SMARCD3: variants seen among roughly 807,000 people sequenced by gnomAD.
SMARCD3 encodes the protein SWI/SNF related BAF chromatin remodeling complex subunit D3.
A neutral mutation model predicts 58.0 loss-of-function variants in SMARCD3; 14 were observed. The observed-to-expected ratio is 0.24, with a 90% CI of 0.16 to 0.38. The LOEUF (loss-of-function observed/expected upper bound fraction) is 0.38, where lower values mean the gene tolerates loss of function less well. Among genes scored for constraint, SMARCD3 ranks in the 10% least tolerant of loss-of-function variants. SMARCD3 has a pLI of 1.00. For missense variants in SMARCD3, 408 were observed against 636.9 expected (o/e 0.64, Z 3.87); for synonymous variants, 253 against 253.8 (o/e 1.00, Z 0.03).
At chr7:151,244,639 C>A (rs559112992) in intron 2 of SMARCD3, among the ~76,000 whole-genome samples, 1 of 152,294 alleles carries the variant, frequency 6.6e-6, no homozygotes, top group African/African-American at 2.4e-5. Context: ...ATTTGCTGTA[C>A]AAAATGACGA....
At chr7:151,264,989 G>T (rs1160877250) in intron 2 of SMARCD3, among the ~76,000 whole-genome samples, 1 of 152,160 alleles carries the variant, frequency 6.6e-6, no homozygotes, top group African/African-American at 2.4e-5. Context: ...CCTGTGATGG[G>T]GATAGCCCAG....
At chr7:151,272,722 C>T (rs75368642) in intron 2 of SMARCD3, among the ~76,000 whole-genome samples, 14,653 of 152,166 alleles carry the variant, frequency 0.096, 783 homozygotes, top group Middle Eastern at 0.17. Flanking sequence ...CCCTCCTCTA[C>T]GGTCCTTTAT....
rs1563663983 is a variant in SMARCD3, at chr7:151,248,120, TCCCCCA to T, written c.78+359_78+364del. Among the ~76,000 whole-genome samples, 1 of 150,558 alleles carries T rather than the reference TCCCCCA, an allele frequency of 6.6e-6. No individual in the cohort carries two copies. The highest frequency in any genetic ancestry group is 2.4e-5 in the African/African-American group (1 of 40,824). On this transcript the variant is annotated intron_variant, in intron 1 of 12. Transcript: ENST00000262188. The surrounding 1 kb of genome is among the most constrained non-coding windows in gnomAD (Gnocchi z 6.1). ...CAGCCCAGCCTCTGCCATGTCCCCA[TCCCCCA>T]CCCCCACCCCCAGGGCAGGGGCAAC...
chr7:151,257,207 C>T (rs1412301036), intron 2 of SMARCD3, among the ~76,000 whole-genome samples: 2 of 151,676 alleles, frequency 1.3e-5, no homozygotes, highest in East Asian at 3.9e-4. Context: ...AACAATCTCT[C>T]TTAACCCTAC....
rs1276274300 is a variant in SMARCD3, at chr7:151,240,208, G to A, written c.1077C>T (p.Asp359=). The A allele has an allele frequency of 3.7e-6, 6 of 1,614,136 alleles. No homozygotes were observed. Among genetic ancestry groups the A allele is most frequent in the Non-Finnish European group, 4.2e-6 (5 of 1,180,014 alleles). The change falls in exon 10 of 13, where the codon GAC becomes GAT. Residue 359 remains aspartate (D), a synonymous_variant. Transcript: ENST00000262188. ...ATGGCTCCTCCACCTCCACGTCAAT[G>A]TCATAGCACGCCGTCTTCTTCTGGT... The part of the protein sequence containing the change: ...PSDQKKTACY[D]IDVEVEEPLK...
chr7:151,268,795 G>C (rs1795071591), intron 2 of SMARCD3, among the ~76,000 whole-genome samples: 1 of 151,974 alleles, frequency 6.6e-6, no homozygotes, highest in African/African-American at 2.4e-5. Flanking sequence ...GTAGAGATGA[G>C]GTCTCGCTTT....
chr7:151,258,087 C>T (rs1356217643), intron 2 of SMARCD3, among the ~76,000 whole-genome samples: 1 of 152,088 alleles, frequency 6.6e-6, no homozygotes, highest in African/African-American at 2.4e-5. Flanking sequence ...CACCCTGGAC[C>T]CCTGCCTTTC....
intron 2 of SMARCD3, among the ~76,000 whole-genome samples, chr7:151,255,081 G>C (rs138258974): frequency 6.6e-6 from 1 of 152,130 alleles, no homozygotes; most frequent in South Asian, 2.1e-4. Flanking sequence ...GGGAGCCCTC[G>C]ACCTGCCCTC....
At position 151,245,708 on chromosome 7, in the gene SMARCD3, C is replaced by A; in HGVS notation, c.79-37G>T. The stretch of plus-strand genomic sequence containing the variant: ...CGGGGGTGAAGCAGAAACGGGCGCC[C>A]GTGGGTCAGACCAGGGCCCCCCGCT... On this transcript the variant is annotated intron_variant, in intron 1 of 12. Coordinates refer to ENST00000262188, the MANE Select transcript of SMARCD3 (RefSeq NM_001003801.2). The surrounding 1 kb of genome is among the most constrained non-coding windows in gnomAD (Gnocchi z 6.2). 1.9e-6 allele frequency: 1 copy of A among 534,920 alleles called. No homozygotes were observed. The highest frequency in any genetic ancestry group is 2.8e-6 in the Non-Finnish European group (1 of 352,158). The allele number at this position is 534,920 out of a possible 1,614,324, so 33.1% of individuals were successfully genotyped here.
chr7:151,241,738 T>A lies in SMARCD3; in HGVS notation c.778-85A>T. The A allele has an allele frequency of 7.0e-7, 1 of 1,426,084 alleles. No homozygotes were observed. Among genetic ancestry groups the A allele is most frequent in the South Asian group, 1.2e-5 (1 of 83,170 alleles). 88.3% of individuals were successfully genotyped at this position (1,426,084 alleles called of 1,614,324 possible). The stretch of plus-strand genomic sequence containing the variant: ...CAGGCCATTCAGGACTAGGGGGATG[T>A]GTTGATTGAGGAAACATGCCCCTGG... On this transcript the variant is annotated intron_variant, in intron 7 of 12. Coordinates refer to ENST00000262188, the MANE Select transcript of SMARCD3 (RefSeq NM_001003801.2). This position sits in a 1 kb window ranked among gnomAD's most constrained non-coding sequence, Gnocchi z 5.3.
chr7:151,239,522 C>T lies in SMARCD3; in HGVS notation c.1297-25G>A. The T allele has an allele frequency of 1.9e-6, 3 of 1,610,406 alleles. No homozygotes were observed. Among genetic ancestry groups the T allele is most frequent in the Non-Finnish European group, 2.5e-6 (3 of 1,177,024 alleles). On this transcript the variant is annotated intron_variant, in intron 11 of 12. Transcript: ENST00000262188. This position sits in a 1 kb window ranked among gnomAD's most constrained non-coding sequence, Gnocchi z 7.0. ...CCTGGGAGGGAGCGTGGGGTGAGCCCTGAGCCCTGAATCCCCTCACCTGCC... is the reference window on the plus strand; with the variant it reads ...CCTGGGAGGGAGCGTGGGGTGAGCCTTGAGCCCTGAATCCCCTCACCTGCC...
In SMARCD3 at chr7:151,240,513, A is replaced by G. The variant is rs752398124; in HGVS notation, c.949T>C (p.Cys317Arg). The change falls in exon 9 of 13, where the codon TGT becomes CGT. Residue 317 changes from cysteine to arginine, a missense_variant. This residue lies in a region of SMARCD3 where 115 missense variants were observed against 257.2 expected (regional missense o/e 0.45). Transcript: ENST00000262188. The part of the protein sequence containing the change: ...GDKYFQQIFD[C>R]PRLKFSEIPQ... ...ATCTCAGAAAACTTCAGCCGGGGAC[A>G]ATCAAAAATCTGAAGCAGGACAATT... is the stretch of plus-strand genomic sequence containing the variant. 1 of 1,612,720 alleles carries G rather than the reference A, an allele frequency of 6.2e-7. No individual in the cohort carries two copies. The highest frequency in any genetic ancestry group is 8.5e-7 in the Non-Finnish European group (1 of 1,179,346).
At chr7:151,254,189 TC>T (rs1391692518) in intron 2 of SMARCD3, 2 of 152,036 alleles carry the variant, frequency 1.3e-5, no homozygotes, top group African/African-American at 4.8e-5. Context: ...CCCCATAATA[TC>T]CCCTGGCTCT....
At chr7:151,263,350 G>A (rs1459628270) in intron 2 of SMARCD3, among the ~76,000 whole-genome samples, 4 of 152,212 alleles carry the variant, frequency 2.6e-5, no homozygotes, top group East Asian at 1.9e-4. Context: ...GGCAGCTGGG[G>A]AGGTTGGGGA....
chr7:151,272,149 C>T (rs1266544721), intron 2 of SMARCD3, among the ~76,000 whole-genome samples: 1 of 151,946 alleles, frequency 6.6e-6, no homozygotes, highest in Non-Finnish European at 1.5e-5. Context: ...CACATGGTAT[C>T]CCCTTCATTT....
chr7:151,250,961 C>T (rs576762285), upstream of SMARCD3, among the ~76,000 whole-genome samples: 12 of 152,354 alleles, frequency 7.9e-5, no homozygotes, highest in South Asian at 2.5e-3. Context: ...GCATGGGAAA[C>T]CACAGGCCTT....
At chr7:151,269,738 G>A (rs1412599764) in intron 2 of SMARCD3, among the ~76,000 whole-genome samples, 1 of 152,200 alleles carries the variant, frequency 6.6e-6, no homozygotes, top group Admixed American at 6.5e-5. Flanking sequence ...CAGGGACAGC[G>A]CTCAGCATCC....
At chr7:151,261,465 G>A (rs1258239079) in intron 2 of SMARCD3, among the ~76,000 whole-genome samples, 1 of 152,190 alleles carries the variant, frequency 6.6e-6, no homozygotes, top group Non-Finnish European at 1.5e-5. Context: ...TACCTGACCT[G>A]TCTGAGCCTC....
intron 1 of SMARCD3, among the ~76,000 whole-genome samples, chr7:151,276,074 C>T (rs534525361): frequency 7.7e-6 from 1 of 130,406 alleles, no homozygotes; most frequent in South Asian, 2.5e-4. Context: ...TGGTGGGGTC[C>T]GGGAGACAGA....
Sources: allele counts gnomAD v4.1 joint callset (sites outside exome capture counted in the v4.1 genomes callset), GRCh38; gene constraint gnomAD v4.1.1; regional missense constraint gnomAD v4.1.1; non-coding constraint Gnocchi (gnomAD v3.1); transcripts MANE v1.5; gene names NCBI Gene and HGNC (gene_info 2026-07-23, HGNC 2026-07-21).